DDX10: variants seen among roughly 807,000 people sequenced by gnomAD.
DDX10 encodes the protein probable ATP-dependent RNA helicase DDX10.
DDX10 carries 74 observed loss-of-function variants against 104.3 expected under a neutral mutation model. That is an observed-to-expected ratio of 0.71 (90% CI 0.59 to 0.86). The LOEUF (loss-of-function observed/expected upper bound fraction) is 0.86, where lower values mean the gene tolerates loss of function less well. Ranked by LOEUF, DDX10 falls within the 40% of genes least tolerant of loss-of-function variation. The pLI is 0.00. For synonymous variants in DDX10, 351 were observed against 353.4 expected (o/e 0.99, Z 0.08); for missense variants, 952 against 1,040.0 (o/e 0.92, Z 1.16).
intron 10 of DDX10, among the ~76,000 whole-genome samples, chr11:108,709,312 G>A (rs1313796893): frequency 6.6e-6 from 1 of 152,222 alleles, no homozygotes; most frequent in Non-Finnish European, 1.5e-5. Flanking sequence ...CATAGAATGA[G>A]TTAGGAAGTA....
intron 16 of DDX10, among the ~76,000 whole-genome samples, chr11:108,900,766 G>A (rs557828674): frequency 1.3e-5 from 2 of 152,300 alleles, no homozygotes; most frequent in South Asian, 4.1e-4. Context: ...CTGGTTGGGA[G>A]ACTCTGTGGG....
intron 10 of DDX10, among the ~76,000 whole-genome samples, chr11:108,714,587 A>G (rs2094288941): frequency 6.6e-6 from 1 of 150,772 alleles, no homozygotes; most frequent in African/African-American, 2.4e-5. Flanking sequence ...AGTGGAGAAC[A>G]TGAGATGGAG....
chr11:108,934,948 C>T (rs927670494), intron 17 of DDX10, among the ~76,000 whole-genome samples: 1 of 152,128 alleles, frequency 6.6e-6, no homozygotes, highest in Non-Finnish European at 1.5e-5. Flanking sequence ...CGCTGGAAGT[C>T]GAATTCGCAG....
At chr11:108,689,245 G>T (rs2094248814) in intron 7 of DDX10, among the ~76,000 whole-genome samples, 183 bp downstream of exon 7, 1 of 152,184 alleles carries the variant, frequency 6.6e-6, no homozygotes, top group African/African-American at 2.4e-5. Context: ...GACAGAAACT[G>T]TGTCTTTTCT....
chr11:108,911,323 A>G (rs1863674595), intron 16 of DDX10, among the ~76,000 whole-genome samples: 1 of 152,180 alleles, frequency 6.6e-6, no homozygotes, highest in Non-Finnish European at 1.5e-5. Context: ...TAAACAACAG[A>G]AGTTAACTGC....
At chr11:108,777,620 G>A (rs1178445951) in intron 13 of DDX10, among the ~76,000 whole-genome samples, 2 of 152,176 alleles carry the variant, frequency 1.3e-5, no homozygotes, top group Admixed American at 6.5e-5. Flanking sequence ...ACCATGTCTG[G>A]CCAAGGGTTC....
intron 13 of DDX10, among the ~76,000 whole-genome samples, chr11:108,803,541 C>G (rs1367971369): frequency 7.0e-6 from 1 of 142,142 alleles, no homozygotes; most frequent in African/African-American, 2.7e-5. Context: ...TTGCGGTGAG[C>G]TGAGATCACA....
chr11:108,889,770 C>A (rs925535343), intron 16 of DDX10, among the ~76,000 whole-genome samples: 1 of 152,010 alleles, frequency 6.6e-6, no homozygotes, highest in African/African-American at 2.4e-5. Context: ...GAAGACAGAG[C>A]CAAGAATGAA....
chr11:108,847,064 A>G (rs1338108833), intron 15 of DDX10, among the ~76,000 whole-genome samples: 2 of 152,220 alleles, frequency 1.3e-5, no homozygotes, highest in Admixed American at 1.3e-4. Context: ...ACTTATAGGT[A>G]GCTGTGCTTA....
At chr11:108,892,131 G>A (rs537597927) in intron 16 of DDX10, among the ~76,000 whole-genome samples, 2 of 152,192 alleles carry the variant, frequency 1.3e-5, no homozygotes, top group African/African-American at 2.4e-5. Context: ...CCCGAGTGTT[G>A]GAAGTGAGGC....
At chr11:108,935,126 G>T (rs1864020954) in intron 17 of DDX10, among the ~76,000 whole-genome samples, 1 of 152,126 alleles carries the variant, frequency 6.6e-6, no homozygotes, top group Admixed American at 6.6e-5. Context: ...ACCTCAAAAA[G>T]CTAACCATTT....
chr11:108,808,426 C>T (rs1862130451), intron 13 of DDX10, among the ~76,000 whole-genome samples: 1 of 151,718 alleles, frequency 6.6e-6, no homozygotes, highest in African/African-American at 2.4e-5. Context: ...AGAATAATAC[C>T]TACTTTTAGG....
intron 17 of DDX10, among the ~76,000 whole-genome samples, chr11:108,928,261 A>G (rs1863933276): frequency 6.6e-6 from 1 of 152,218 alleles, no homozygotes. Flanking sequence ...ACATGGAATA[A>G]TATATCAGTG....
intron 16 of DDX10, among the ~76,000 whole-genome samples, chr11:108,917,602 A>G (rs1170333728): frequency 6.6e-6 from 1 of 152,190 alleles, no homozygotes; most frequent in African/African-American, 2.4e-5. Context: ...GTTACACAGA[A>G]ATAATAAAAT....
chr11:108,838,500 G>A lies in DDX10; in HGVS notation c.2020G>A (p.Ala674Thr). The A allele has an allele frequency of 6.2e-7, 1 of 1,612,372 alleles. No homozygotes were observed. Residue 674 changes from alanine (A) to threonine (T), a missense_variant, in exon 14 of 18, where the codon GCA becomes ACA. Ala to Thr is a moderately conservative substitution (Grantham distance 58). Transcript: ENST00000322536. ...GAAAAAAATGACCAAAGTTGCAGAAGCAAAAAAAGTAATGAAGAGAAATTT... is the reference window on the plus strand; with the variant it reads ...GAAAAAAATGACCAAAGTTGCAGAAACAAAAAAAGTAATGAAGAGAAATTT... ...IKKKMTKVAE[A>T]KKVMKRNFKV...
intron 14 of DDX10, among the ~76,000 whole-genome samples, chr11:108,840,761 T>C (rs904128691): frequency 2.6e-5 from 4 of 152,248 alleles, no homozygotes; most frequent in African/African-American, 7.2e-5. Flanking sequence ...TGATCCATTT[T>C]GAGCACCTGT....
At chr11:108,929,180 C>G (rs570789763) in intron 17 of DDX10, among the ~76,000 whole-genome samples, 82 of 152,276 alleles carry the variant, frequency 5.4e-4, no homozygotes, top group African/African-American at 1.8e-3. Flanking sequence ...GGACCCCAGC[C>G]CCTCATAGAG....
chr11:108,685,813 C>T (rs2094243151), intron 6 of DDX10, among the ~76,000 whole-genome samples: 1 of 152,140 alleles, frequency 6.6e-6, no homozygotes, highest in South Asian at 2.1e-4. Flanking sequence ...GTCAGTGTAT[C>T]TAAAATAGTT....
chr11:108,905,032 C>T lies in DDX10; in HGVS notation c.2305-12841C>T, dbSNP rs4570546. 3.3e-3 allele frequency among the ~76,000 whole-genome samples: 508 copies of T among 152,180 alleles called. 5 individuals are homozygous for T. Among genetic ancestry groups the T allele is most frequent in the African/African-American group, 0.012 (487 of 41,524 alleles). On this transcript the variant is annotated intron_variant, in intron 16 of 17. Transcript: ENST00000322536. Reference sequence around the variant, plus strand: ...TATGTTCTTATTATCAGTTCAGCCCCGAGCAGTAGTAACTGGGAGTTGCGG... The same window carrying T: ...TATGTTCTTATTATCAGTTCAGCCCTGAGCAGTAGTAACTGGGAGTTGCGG...
Sources: gnomAD v4.1 joint callset for allele counts (sites outside exome capture counted in the v4.1 genomes callset) on GRCh38, gnomAD v4.1.1 for gene constraint, MANE v1.5 for transcripts, NCBI Gene and HGNC (gene_info 2026-07-23, HGNC 2026-07-21) for gene names.